Variants in PSMF1 observed in about 807,000 individuals in gnomAD.
PSMF1 encodes the protein proteasome inhibitor PI31 subunit.
PSMF1 carries 30 observed loss-of-function variants against 29.3 expected under a neutral mutation model. The observed-to-expected ratio is 1.02, with a 90% confidence interval of 0.77 to 1.39. The LOEUF (loss-of-function observed/expected upper bound fraction) is 1.39, where lower values mean the gene tolerates loss of function less well. PSMF1 is among the 40% of genes most tolerant of loss of function. PSMF1 has a pLI of 0.00. For missense variants in PSMF1, 344 were observed against 357.5 expected (o/e 0.96, Z 0.31); for synonymous variants, 134 against 139.7 (o/e 0.96, Z 0.29).
rs2086720300 is a variant in PSMF1 at position 1,165,613 on chromosome 20, T to C, written c.*533T>C. On this transcript the variant is annotated 3_prime_UTR_variant, in exon 7 of 7. Coordinates refer to ENST00000335877, the MANE Select transcript of PSMF1 (RefSeq NM_006814.5). ...TTCTCAGGCACCTTCCGTTTATTAATTGCCATTGCTCCTGACATCACTAAG... is the reference window on the plus strand; with the variant it reads ...TTCTCAGGCACCTTCCGTTTATTAACTGCCATTGCTCCTGACATCACTAAG... 7.0e-6 allele frequency: 7 copies of C among 995,038 alleles called. No individual in the cohort carries two copies. Among genetic ancestry groups the C allele is most frequent in the Non-Finnish European group, 8.4e-6 (7 of 835,370 alleles). 61.6% of individuals were successfully genotyped at this position (995,038 alleles called of 1,614,324 possible). A position where few individuals can be genotyped will look rare whatever the true frequency, so the allele number is the denominator to read the frequency against.
At chr20:1,132,371 G>A (rs2086241512) in intron 3 of PSMF1, among the ~76,000 whole-genome samples, 1 of 151,830 alleles carries the variant, frequency 6.6e-6, no homozygotes, top group South Asian at 2.1e-4. Flanking sequence ...TGCCTCCGGG[G>A]TTCAAGTGAT....
intron 1 of PSMF1, among the ~76,000 whole-genome samples, chr20:1,123,970 CTCTTTT>C (rs1430294190): frequency 3.9e-5 from 6 of 152,270 alleles, no homozygotes; most frequent in Non-Finnish European, 5.9e-5. Context: ...CTATTAGCCG[CTCTTTT>C]TCTTGTTCAT....
At position 1,164,370 on chromosome 20, in the gene PSMF1, G is replaced by A. The variant is rs1196461656; in HGVS notation, c.658G>A (p.Ala220Thr). 4 of 1,613,910 alleles carry A rather than the reference G, an allele frequency of 2.5e-6. No individual in the cohort carries two copies. The highest frequency in any genetic ancestry group is 1.3e-5 in the African/African-American group (1 of 74,896). ...TCCCCTGAGATCTGGCTTCCCAAGA[G>A]CACTTATTGACCCTTCCTCAGGCCT... is the stretch of plus-strand genomic sequence containing the variant. ...VDPLRSGFPRALIDPSSGLPN... is the reference protein window; with the variant it reads ...VDPLRSGFPRTLIDPSSGLPN... Residue 220 changes from alanine (A) to threonine (T), a missense_variant, in exon 6 of 7, where the codon GCA becomes ACA. By Grantham distance (58) the Ala-to-Thr change is moderately conservative (BLOSUM62 0). Coordinates refer to ENST00000335877, the MANE Select transcript of PSMF1 (RefSeq NM_006814.5). The surrounding 1 kb of genome is among the most constrained non-coding windows in gnomAD (Gnocchi z 4.1).
At chr20:1,128,126 T>C (rs909844509) in intron 3 of PSMF1, among the ~76,000 whole-genome samples, 4 of 152,204 alleles carry the variant, frequency 2.6e-5, no homozygotes. Flanking sequence ...TTGACTACCC[T>C]AAAAATCTGT....
rs947893749 is a variant in PSMF1 at position 1,171,621 on chromosome 20, C to G, written c.*6541C>G. Among the ~76,000 whole-genome samples the G allele has an allele frequency of 1.8e-4, 28 of 152,214 alleles. No homozygotes were observed. Among genetic ancestry groups the G allele is most frequent in the African/African-American group, 6.8e-4 (28 of 41,454 alleles). On this transcript the variant is annotated 3_prime_UTR_variant, in exon 7 of 7. Coordinates refer to ENST00000335877, the MANE Select transcript of PSMF1 (RefSeq NM_006814.5). ...ACCCCTTCTTTCCCCCTCCCAGTTC[C>G]CGCAGCTAGGCTGAGTGTTAAGAGG...
chr20:1,115,315 G>A (rs1350757745), upstream of PSMF1, among the ~76,000 whole-genome samples: 1 of 143,652 alleles, frequency 7.0e-6, no homozygotes, highest in East Asian at 2.0e-4. Context: ...TAAGATGCCA[G>A]CTACAACCAA....
In PSMF1 at chr20:1,164,030, A is replaced by G. The variant is rs1402029765; in HGVS notation, c.606-288A>G. On this transcript the variant is annotated intron_variant, in intron 5 of 6. Transcript: ENST00000335877. The surrounding 1 kb of genome is among the most constrained non-coding windows in gnomAD (Gnocchi z 4.1). ...TCAAGTTGGCCCTCTTGAGTATATG[A>G]TATGGCAGGGATCTCAATTTTGAGG... Among the ~76,000 whole-genome samples, 1 of 152,186 alleles carries G rather than the reference A, an allele frequency of 6.6e-6. No individual in the cohort carries two copies. Among genetic ancestry groups the G allele is most frequent in the African/African-American group, 2.4e-5 (1 of 41,440 alleles).
rs1011952984 is a variant in PSMF1, at chr20:1,166,014, C to T, written c.*934C>T. On this transcript the variant is annotated 3_prime_UTR_variant, in exon 7 of 7. Transcript: ENST00000335877. ...GTTTGGTAACCCCTATAAACTGGGG[C>T]AGAGGAAAAGAATGATGGTTCAAGG... 4 of 1,430,496 alleles carry T rather than the reference C, an allele frequency of 2.8e-6. No individual in the cohort carries two copies. In the African/African-American group the frequency reaches 4.3e-5, roughly 15 times the overall value. 88.6% of individuals were successfully genotyped at this position (1,430,496 alleles called of 1,614,324 possible).
At chr20:1,155,344 T>G (rs571081025) in intron 4 of PSMF1, among the ~76,000 whole-genome samples, 6 of 152,314 alleles carry the variant, frequency 3.9e-5, no homozygotes, top group African/African-American at 1.4e-4. Flanking sequence ...TGCAGACACC[T>G]AAAACTGAGG....
rs952216797 is a variant in PSMF1, at chr20:1,168,957, A to G, written c.*3877A>G. On this transcript the variant is annotated 3_prime_UTR_variant, in exon 7 of 7. Coordinates refer to ENST00000335877, the MANE Select transcript of PSMF1 (RefSeq NM_006814.5). ...CTTTTTGCACCAAAGGAGATATTCA[A>G]GGACAGACATCCAAGTCCCCAGCCC... is the stretch of plus-strand genomic sequence containing the variant. 3.3e-5 allele frequency among the ~76,000 whole-genome samples: 5 copies of G among 152,202 alleles called. No individual in the cohort carries two copies. The highest frequency in any genetic ancestry group is 2.0e-4 in the Admixed American group (3 of 15,278).
intron 4 of PSMF1, among the ~76,000 whole-genome samples, chr20:1,147,003 T>C (rs1278735510): frequency 3.9e-5 from 6 of 152,174 alleles, no homozygotes; most frequent in African/African-American, 1.4e-4. Context: ...TTGTTTTATT[T>C]TTTTTAAATA....
At position 1,132,975 on chromosome 20, in the gene PSMF1, T is replaced by TTG. The variant is rs1825290673; in HGVS notation, c.366-2145_366-2144insGT. ...AGGTGTTTAGGGTTTTTTTGTTTTT[T>TTG]TTTTTTTTTGGTAGATTCCTTGGGA... is the stretch of plus-strand genomic sequence containing the variant. On this transcript the variant is annotated intron_variant, in intron 3 of 6. Coordinates refer to ENST00000335877, the MANE Select transcript of PSMF1 (RefSeq NM_006814.5). 2.7e-5 allele frequency among the ~76,000 whole-genome samples: 4 copies of TTG among 150,358 alleles called. No homozygotes were observed. The South Asian group carries it at 6.3e-4, about 24-fold the overall frequency.
intron 3 of PSMF1, 92 bp from the exon 4 acceptor site, chr20:1,135,029 G>GGCC (rs200709242): frequency 7.6e-6 from 10 of 1,316,310 alleles, no homozygotes; most frequent in African/African-American, 2.9e-5. Context: ...GAGCTATCAG[G>GGCC]GCCGCCGCCG....
Position 1,118,703 on chromosome 20 carries a change from G to A in PSMF1, c.-71G>A. 14 of 1,511,532 alleles carry A rather than the reference G, an allele frequency of 9.3e-6. No homozygotes were observed. The highest frequency in any genetic ancestry group is 1.3e-5 in the Non-Finnish European group (14 of 1,113,462). The allele number at this position is 1,511,532 out of a possible 1,614,324, so 93.6% of individuals were successfully genotyped here. A position where few individuals can be genotyped will look rare whatever the true frequency, so the allele number is the denominator to read the frequency against. The stretch of plus-strand genomic sequence containing the variant: ...AGGGAAGCAGAGTTATAGCTACCCC[G>A]GCCGCGGAGCCGGCTCACTGCACTA... On this transcript the variant is annotated 5_prime_UTR_variant, in exon 1 of 7. Coordinates refer to ENST00000335877, the MANE Select transcript of PSMF1 (RefSeq NM_006814.5).
Position 1,165,014 on chromosome 20 carries a change from C to G in PSMF1, c.765-15C>G. 6.2e-7 allele frequency: 1 copy of G among 1,607,716 alleles called. No individual in the cohort carries two copies. Among genetic ancestry groups the G allele is most frequent in the Non-Finnish European group, 8.5e-7 (1 of 1,174,236 alleles). The stretch of plus-strand genomic sequence containing the variant: ...CTCCATCACTCCAACTCATCAGCCC[C>G]TCTTTCCATTCCAGACCTAACCCAG... On this transcript the variant is annotated splice_polypyrimidine_tract_variant and intron_variant, in intron 6 of 6. Transcript: ENST00000335877.
Position 1,155,467 on chromosome 20 carries a change from G to A in PSMF1, c.552-7663G>A, listed in dbSNP as rs115256534. Among the ~76,000 whole-genome samples, 999 of 152,214 alleles carry A rather than the reference G, an allele frequency of 6.6e-3. 16 individuals are homozygous for A. Among genetic ancestry groups the A allele is most frequent in the African/African-American group, 0.023 (963 of 41,520 alleles). On this transcript the variant is annotated intron_variant, in intron 4 of 6. Transcript: ENST00000335877. ...CCACTTGATGTTGGACACAGGCACC[G>A]TTGTAGGAACTACATGGCAGAGCAG...
At chr20:1,127,328 A>G (rs1322905517) in intron 2 of PSMF1, 98 bp from the exon 3 acceptor site, 2 of 914,912 alleles carry the variant, frequency 2.2e-6, no homozygotes, top group South Asian at 2.6e-5. Context: ...ACATATGTGA[A>G]TATTTCTTTA....
At chr20:1,143,190 A>G (rs558671969) in intron 4 of PSMF1, among the ~76,000 whole-genome samples, 4 of 152,370 alleles carry the variant, frequency 2.6e-5, no homozygotes, top group African/African-American at 9.6e-5. Flanking sequence ...AGAATCTAAG[A>G]TAGCTATAAC....
Position 1,169,207 on chromosome 20 carries a change from A to G in PSMF1, c.*4127A>G, listed in dbSNP as rs538566573. ...ACATGGACCAAGTCACTGCGGCCGT[A>G]CTTGGCCCTGAATCTGTCCTGGAGG... On this transcript the variant is annotated 3_prime_UTR_variant, in exon 7 of 7. Coordinates refer to ENST00000335877, the MANE Select transcript of PSMF1 (RefSeq NM_006814.5). 1.3e-5 allele frequency among the ~76,000 whole-genome samples: 2 copies of G among 152,298 alleles called. No individual in the cohort carries two copies. The highest frequency in any genetic ancestry group is 4.8e-5 in the African/African-American group (2 of 41,570).
Sources: allele counts gnomAD v4.1 joint callset (sites outside exome capture counted in the v4.1 genomes callset), GRCh38; gene constraint gnomAD v4.1.1; non-coding constraint Gnocchi (gnomAD v3.1); transcripts MANE v1.5; gene names NCBI Gene and HGNC (gene_info 2026-07-23, HGNC 2026-07-21).